KCNAB1: variants seen among roughly 807,000 people sequenced by gnomAD.
KCNAB1 encodes voltage-gated potassium channel subunit beta-1.
Under a neutral mutation model 64.6 loss-of-function variants are expected in KCNAB1, and 35 were observed. That is an observed-to-expected ratio of 0.54 (90% CI 0.41 to 0.72). The LOEUF is 0.72. Ranked by LOEUF, KCNAB1 falls within the 30% of genes least tolerant of loss-of-function variation. KCNAB1 has a pLI of 0.00. For synonymous variants in KCNAB1, 177 were observed against 183.8 expected (o/e 0.96, Z 0.30); for missense variants, 401 against 512.9 (o/e 0.78, Z 2.11).
intron 11 of KCNAB1, 37 bp downstream of exon 11, chr3:156,516,401 A>G (rs549627523): frequency 7.0e-7 from 1 of 1,422,050 alleles, no homozygotes; most frequent in African/African-American, 1.4e-5. Flanking sequence ...GCCTGGGAGT[A>G]GGAAGGAGGG....
intron 1 of KCNAB1, among the ~76,000 whole-genome samples, chr3:156,318,187 TA>T (rs1413746055): frequency 6.6e-6 from 1 of 152,182 alleles, no homozygotes. Context: ...CTAAGCAGGA[TA>T]GGGGGCAAAA....
chr3:156,501,395 A>C (rs1467110572), intron 8 of KCNAB1, among the ~76,000 whole-genome samples: 1 of 150,988 alleles, frequency 6.6e-6, no homozygotes, highest in Non-Finnish European at 1.5e-5. Context: ...GATATATCCT[A>C]AGTCCATGGA....
chr3:156,156,112 T>C (rs1715695733), intron 1 of KCNAB1, among the ~76,000 whole-genome samples: 1 of 152,182 alleles, frequency 6.6e-6, no homozygotes, highest in South Asian at 2.1e-4. Context: ...CCACCATAAA[T>C]TAAATACTTA....
intron 3 of KCNAB1, among the ~76,000 whole-genome samples, chr3:156,455,360 G>A (rs573923929): frequency 1.3e-5 from 2 of 152,322 alleles, no homozygotes; most frequent in South Asian, 4.1e-4. Flanking sequence ...CCCCATCACT[G>A]GGAGAGTTCA....
intron 1 of KCNAB1, among the ~76,000 whole-genome samples, chr3:156,286,706 G>C (rs755879761): frequency 2.4e-4 from 36 of 152,274 alleles, no homozygotes; most frequent in Middle Eastern, 3.4e-3. Context: ...TTTTTAAATG[G>C]AAATTATTTC....
chr3:156,210,059 C>T (rs1050619442), intron 1 of KCNAB1, among the ~76,000 whole-genome samples: 5 of 152,206 alleles, frequency 3.3e-5, no homozygotes, highest in African/African-American at 7.2e-5. Flanking sequence ...CAATGATCTG[C>T]ACTCCTCATG....
At chr3:156,518,480 G>GAAAAC (rs199523079) in intron 11 of KCNAB1, among the ~76,000 whole-genome samples, 1 of 136,970 alleles carries the variant, frequency 7.3e-6, no homozygotes, top group Non-Finnish European at 1.6e-5. Context: ...GAAAAGAAAA[G>GAAAAC]AAAGAAGGAA....
At chr3:156,251,326 T>C (rs965071002) in intron 1 of KCNAB1, among the ~76,000 whole-genome samples, 3 of 152,214 alleles carry the variant, frequency 2.0e-5, no homozygotes, top group African/African-American at 7.2e-5. Context: ...ATTGTCTAAT[T>C]GTCCTTATTA....
At chr3:156,172,749 G>A (rs556136671) in intron 1 of KCNAB1, among the ~76,000 whole-genome samples, 3 of 152,198 alleles carry the variant, frequency 2.0e-5, no homozygotes, top group African/African-American at 4.8e-5. Flanking sequence ...GGATAAAACC[G>A]TAGGCTAAAG....
At chr3:156,422,546 A>G (rs1715532377) in intron 2 of KCNAB1, among the ~76,000 whole-genome samples, 1 of 152,248 alleles carries the variant, frequency 6.6e-6, no homozygotes, top group South Asian at 2.1e-4. Context: ...GTATGAGTAA[A>G]TGAGGTAGAA....
upstream of KCNAB1, among the ~76,000 whole-genome samples, chr3:156,119,478 C>T (rs1317478611): frequency 6.6e-6 from 1 of 152,220 alleles, no homozygotes; most frequent in African/African-American, 2.4e-5. Context: ...TCCTTCCTCT[C>T]CTGCTCTTCT....
At chr3:156,454,560 C>T (rs1420004297) in intron 3 of KCNAB1, among the ~76,000 whole-genome samples, 1 of 152,104 alleles carries the variant, frequency 6.6e-6, no homozygotes, top group Non-Finnish European at 1.5e-5. Context: ...CAAAGGAGAA[C>T]CTGAGGGCAC....
At chr3:156,204,285 G>T (rs767154066) in intron 1 of KCNAB1, among the ~76,000 whole-genome samples, 1 of 152,148 alleles carries the variant, frequency 6.6e-6, no homozygotes, top group African/African-American at 2.4e-5. Context: ...CCTACTCATC[G>T]CTGCATGGCC....
intron 1 of KCNAB1, among the ~76,000 whole-genome samples, chr3:156,162,868 A>C (rs1036077632): frequency 2.6e-5 from 4 of 152,182 alleles, no homozygotes; most frequent in Admixed American, 6.5e-5. Flanking sequence ...AAAAATCCTC[A>C]TTGACTTGAC....
At chr3:156,267,858 C>T (rs530761121) in intron 1 of KCNAB1, among the ~76,000 whole-genome samples, 1 of 152,038 alleles carries the variant, frequency 6.6e-6, no homozygotes, top group South Asian at 2.1e-4. Context: ...AGGTAATCAC[C>T]TTGAGCATTT....
chr3:156,464,061 G>A (rs1553750715), intron 6 of KCNAB1, among the ~76,000 whole-genome samples: 1 of 152,070 alleles, frequency 6.6e-6, no homozygotes, highest in Non-Finnish European at 1.5e-5. Context: ...AAGAAAAATA[G>A]GCACAAAGCA....
intron 7 of KCNAB1, among the ~76,000 whole-genome samples, chr3:156,471,268 G>A (rs1055551431): frequency 2.0e-5 from 3 of 152,108 alleles, no homozygotes; most frequent in African/African-American, 7.2e-5. Flanking sequence ...TTAGAAACCT[G>A]TGAAATACAC....
intron 1 of KCNAB1, among the ~76,000 whole-genome samples, chr3:156,305,926 T>C (rs988704500): frequency 3.9e-5 from 6 of 152,202 alleles, no homozygotes; most frequent in African/African-American, 1.4e-4. Context: ...TCTTTGTTTT[T>C]GTTGGTCTGC....
At chr3:156,408,586 C>T (rs1357157969) in intron 1 of KCNAB1, among the ~76,000 whole-genome samples, 3 of 152,116 alleles carry the variant, frequency 2.0e-5, no homozygotes, top group Non-Finnish European at 4.4e-5. Context: ...TCGAGACCAG[C>T]CTGGCCAACA....
Sources: gnomAD v4.1 joint callset for allele counts (sites outside exome capture counted in the v4.1 genomes callset) on GRCh38, gnomAD v4.1.1 for gene constraint, MANE v1.5 for transcripts, NCBI Gene and HGNC (gene_info 2026-07-23, HGNC 2026-07-21) for gene names.